Variants in LEF1 observed in about 807,000 individuals in gnomAD.
LEF1 encodes the protein lymphoid enhancer binding factor 1.
In LEF1, 14 loss-of-function variants were observed where a neutral mutation model predicts 51.2. That is an observed-to-expected ratio of 0.27 (90% confidence interval 0.18 to 0.43). The LOEUF is 0.43. Ranked by LOEUF, LEF1 falls within the 20% of genes least tolerant of loss-of-function variation. The pLI, the probability that LEF1 is intolerant of heterozygous loss-of-function variation, is 1.00. For missense variants in LEF1, 386 were observed against 512.0 expected (o/e 0.75, Z 2.37); for synonymous variants, 185 against 183.2 (o/e 1.01, Z -0.08).
chr4:108,070,443 T>A (rs1738392842), intron 9 of LEF1: 1 of 359,116 alleles, frequency 2.8e-6, no homozygotes, highest in East Asian at 4.2e-5. Flanking sequence ...ATTTCAAAAA[T>A]TTTATTTAAA....
chr4:108,125,947 T>C (rs1458165102), intron 3 of LEF1, among the ~76,000 whole-genome samples: 1 of 152,184 alleles, frequency 6.6e-6, no homozygotes, highest in Non-Finnish European at 1.5e-5. Flanking sequence ...TTTCACAAAA[T>C]TCACAAAACT....
chr4:108,158,418 A>AAGAGAG (rs145164137), intron 3 of LEF1, among the ~76,000 whole-genome samples: 2 of 150,222 alleles, frequency 1.3e-5, no homozygotes, highest in South Asian at 4.2e-4. Context: ...CCCTTAAAAA[A>AAGAGAG]AGAGAGAGAG....
intron 2 of LEF1, 137 bp from the exon 3 acceptor site, chr4:108,163,838 A>G (rs1378389399): frequency 1.3e-5 from 11 of 846,654 alleles, no homozygotes; most frequent in Non-Finnish European, 1.9e-5. Flanking sequence ...CTGTAACTGG[A>G]TTATTATGCT....
chr4:108,072,458 T>G (rs1189235461), intron 8 of LEF1, among the ~76,000 whole-genome samples: 3 of 152,028 alleles, frequency 2.0e-5, no homozygotes, highest in African/African-American at 4.8e-5. Flanking sequence ...GGTAACAGAG[T>G]CCGTTTCCTT....
At chr4:108,140,475 T>C (rs1362156633) in intron 3 of LEF1, among the ~76,000 whole-genome samples, 1 of 152,184 alleles carries the variant, frequency 6.6e-6, no homozygotes, top group African/African-American at 2.4e-5. Flanking sequence ...GGGATTGATT[T>C]TTTGTTTTGA....
chr4:108,112,945 CAA>C, intron 3 of LEF1, among the ~76,000 whole-genome samples: 1 of 152,106 alleles, frequency 6.6e-6, no homozygotes. Context: ...CACCATTAGA[CAA>C]TGTCATCAAA....
Position 108,082,597 on chromosome 4 carries a change from T to G in LEF1, c.638+759A>C, listed in dbSNP as rs564616905. On this transcript the variant is annotated intron_variant, in intron 5 of 11. Transcript: ENST00000265165. ...AACAATTGCTTGAGTTGAGAATTAT[T>G]TCTATGGAGGGAGAATTGGAGAGGG... Among the ~76,000 whole-genome samples, 4 of 152,170 alleles carry G rather than the reference T, an allele frequency of 2.6e-5. No individual in the cohort carries two copies. The East Asian group carries it at 7.7e-4, about 29-fold the overall frequency.
At chr4:108,116,473 G>A (rs1484872820) in intron 3 of LEF1, among the ~76,000 whole-genome samples, 1 of 152,236 alleles carries the variant, frequency 6.6e-6, no homozygotes. Flanking sequence ...AGCAAGCTGT[G>A]ATTGCACCAC....
chr4:108,131,843 G>A (rs1414488468), intron 3 of LEF1, among the ~76,000 whole-genome samples: 1 of 152,112 alleles, frequency 6.6e-6, no homozygotes, highest in African/African-American at 2.4e-5. Context: ...CGTTGTATAG[G>A]GTATGATGAT....
At chr4:108,084,581 T>TCA (rs1299856305) in intron 4 of LEF1, among the ~76,000 whole-genome samples, 1 of 152,250 alleles carries the variant, frequency 6.6e-6, no homozygotes, top group Non-Finnish European at 1.5e-5. Context: ...TGGTGTTAAT[T>TCA]CAACTTTGAA....
chr4:108,166,188 C>A, intron 1 of LEF1: 1 of 1,413,348 alleles, frequency 7.1e-7, no homozygotes, highest in Non-Finnish European at 9.4e-7. Context: ...CCGCCCCCAG[C>A]CCGCTCAAAC....
chr4:108,126,804 CA>C (rs11329450), intron 3 of LEF1, among the ~76,000 whole-genome samples: 27,680 of 96,950 alleles, frequency 0.29, 3,249 homozygotes, highest in East Asian at 0.58. Context: ...GACTTTCTCT[CA>C]AAAAAAAAAA....
intron 8 of LEF1, among the ~76,000 whole-genome samples, chr4:108,073,857 G>A (rs140971751): frequency 0.026 from 3,889 of 146,840 alleles, 156 homozygotes; most frequent in African/African-American, 0.093. Flanking sequence ...ACAGAGTCTC[G>A]CTCTGTTGCC....
At chr4:108,156,499 T>C (rs1422473836) in intron 3 of LEF1, among the ~76,000 whole-genome samples, 2 of 152,236 alleles carry the variant, frequency 1.3e-5, no homozygotes, top group African/African-American at 2.4e-5. Context: ...TTTGGAAATA[T>C]CCAGAAAACA....
At chr4:108,070,791 G>T (rs1454265569) in intron 8 of LEF1, 21 bp from the exon 9 acceptor site, 1 of 1,537,812 alleles carries the variant, frequency 6.5e-7, no homozygotes, top group African/African-American at 1.4e-5. Flanking sequence ...GAGGAAGGAA[G>T]AAAAAAACAA....
chr4:108,146,512 T>C (rs985616580), intron 3 of LEF1, among the ~76,000 whole-genome samples: 1 of 152,214 alleles, frequency 6.6e-6, no homozygotes, highest in Non-Finnish European at 1.5e-5. Flanking sequence ...GCATCAGACC[T>C]TGCTTCACCT....
intron 3 of LEF1, among the ~76,000 whole-genome samples, chr4:108,119,006 C>T (rs1742005388): frequency 6.6e-6 from 1 of 150,744 alleles, no homozygotes; most frequent in African/African-American, 2.4e-5. Context: ...CTATACCGCA[C>T]AGTACATGAT....
intron 10 of LEF1, among the ~76,000 whole-genome samples, chr4:108,064,043 A>G (rs982326711): frequency 3.3e-5 from 5 of 152,236 alleles, no homozygotes; most frequent in Non-Finnish European, 7.3e-5. Context: ...AAAGCAAAGT[A>G]AACACAGACA....
intron 3 of LEF1, among the ~76,000 whole-genome samples, chr4:108,148,967 T>G (rs2110389718): frequency 6.6e-6 from 1 of 152,334 alleles, no homozygotes; most frequent in Non-Finnish European, 1.5e-5. Context: ...ATGAATTTTC[T>G]TATATTAAGT....
Sources: allele counts gnomAD v4.1 joint callset (sites outside exome capture counted in the v4.1 genomes callset), GRCh38; gene constraint gnomAD v4.1.1; transcripts MANE v1.5; gene names NCBI Gene and HGNC (gene_info 2026-07-23, HGNC 2026-07-21).